The following RBM20 variants were observed in gnomAD, a reference collection of about 807,000 sequenced individuals.
The protein encoded by RBM20 is RNA binding motif protein 20.
Under a neutral mutation model 110.1 loss-of-function variants are expected in RBM20, and 51 were observed. The ratio of observed to expected loss-of-function variants is 0.46; its 90% CI spans 0.37 to 0.59. RBM20 has a LOEUF of 0.59. Ranked by LOEUF, RBM20 falls within the 20% of genes least tolerant of loss-of-function variation. The pLI, the probability that RBM20 is intolerant of heterozygous loss-of-function variation, is 0.00. For synonymous variants in RBM20, 589 were observed against 618.2 expected (o/e 0.95, Z 0.70); for missense variants, 1,512 against 1,574.9 (o/e 0.96, Z 0.68).
intron 7 of RBM20, among the ~76,000 whole-genome samples, chr10:110,809,171 T>C (rs1423638745): frequency 7.6e-6 from 1 of 131,804 alleles, no homozygotes; most frequent in Non-Finnish European, 1.5e-5. Context: ...GAGCTGTGAT[T>C]GTACCATTGC....
chr10:110,781,113 A>G lies in RBM20; in HGVS notation c.504A>G (p.Ala168=). 1 of 1,551,726 alleles carries G rather than the reference A, an allele frequency of 6.4e-7. No individual in the cohort carries two copies. Among genetic ancestry groups the G allele is most frequent in the Non-Finnish European group, 8.7e-7 (1 of 1,146,996 alleles). ...AIPSTRFPSN[A]IAFSPPSQTR... ...CCAGTACCCGGTTTCCCTCTAATGC[A>G]ATTGCCTTTTCACCCCCCAGCCAGA... is the stretch of plus-strand genomic sequence containing the variant. Residue 168 remains alanine, a synonymous_variant, in exon 2 of 14, where the codon GCA becomes GCG. Coordinates refer to ENST00000369519, the MANE Select transcript of RBM20 (RefSeq NM_001134363.3).
intron 1 of RBM20, among the ~76,000 whole-genome samples, chr10:110,744,964 G>A (rs761167789): frequency 1.3e-5 from 2 of 152,176 alleles, no homozygotes; most frequent in African/African-American, 4.8e-5. Flanking sequence ...AGCCAAGAGC[G>A]AGAGGTTACT....
rs76403155 is a variant in RBM20, at chr10:110,793,982, G to A, written c.1528-3526G>A. Among the ~76,000 whole-genome samples the A allele has an allele frequency of 1.9e-3, 287 of 152,312 alleles. 3 individuals carry two copies. The East Asian group carries it at 0.024, about 13-fold the overall frequency. ...GAGAGCCCGGGTTGGGAATTACTGC[G>A]TAGCATGGTGACGCTTGCTCAAGAG... On this transcript the variant is annotated intron_variant, in intron 5 of 13. Transcript: ENST00000369519.
intron 8 of RBM20, among the ~76,000 whole-genome samples, chr10:110,810,791 A>ATGTG (rs1188258379): frequency 2.0e-5 from 3 of 149,700 alleles, no homozygotes; most frequent in African/African-American, 7.4e-5. Flanking sequence ...CCTAAAAGTA[A>ATGTG]TGCGTGTGTG....
chr10:110,748,620 C>T (rs1450067210), intron 1 of RBM20, among the ~76,000 whole-genome samples: 2 of 152,100 alleles, frequency 1.3e-5, no homozygotes, highest in Admixed American at 6.5e-5. Flanking sequence ...ACTGGGTTCT[C>T]GTAATCACAC....
intron 1 of RBM20, among the ~76,000 whole-genome samples, chr10:110,715,029 C>T (rs556436171): frequency 5.3e-5 from 8 of 152,296 alleles, no homozygotes; most frequent in East Asian, 3.9e-4. Context: ...AGGCAGATCA[C>T]GTGAGGTCAG....
At chr10:110,783,270 T>A (rs938727928) in intron 2 of RBM20, 96 bp from the exon 3 acceptor site, 6 of 923,558 alleles carry the variant, frequency 6.5e-6, no homozygotes, top group Non-Finnish European at 1.0e-5. Context: ...CTCTGGGCGC[T>A]CTGTGCTCCC....
intron 1 of RBM20, among the ~76,000 whole-genome samples, chr10:110,664,662 G>T (rs920247986): frequency 6.6e-6 from 1 of 152,042 alleles, no homozygotes; most frequent in Non-Finnish European, 1.5e-5. Context: ...CATGAGAATC[G>T]CTTGAACCTG....
chr10:110,718,229 G>A (rs1215788610), intron 1 of RBM20, among the ~76,000 whole-genome samples: 1 of 152,168 alleles, frequency 6.6e-6, no homozygotes, highest in East Asian at 1.9e-4. Context: ...AAAAGAGTTT[G>A]AATACAAATA....
chr10:110,704,366 GT>G (rs1427058174), intron 1 of RBM20, among the ~76,000 whole-genome samples: 1 of 152,154 alleles, frequency 6.6e-6, no homozygotes, highest in Non-Finnish European at 1.5e-5. Context: ...TTGTGTACAG[GT>G]TTTTGTGTGA....
At chr10:110,791,928 C>T (rs970822536) in intron 5 of RBM20, among the ~76,000 whole-genome samples, 11 of 152,194 alleles carry the variant, frequency 7.2e-5, no homozygotes, top group African/African-American at 2.7e-4. Context: ...TGGCACTCAG[C>T]AGACAGAGCC....
chr10:110,782,525 C>G (rs1378505350), intron 2 of RBM20, among the ~76,000 whole-genome samples: 1 of 152,052 alleles, frequency 6.6e-6, no homozygotes, highest in Non-Finnish European at 1.5e-5. Flanking sequence ...TAACAAATAC[C>G]ATATATTAAA....
intron 1 of RBM20, among the ~76,000 whole-genome samples, chr10:110,694,529 C>T (rs965423404): frequency 6.6e-6 from 1 of 152,106 alleles, no homozygotes; most frequent in African/African-American, 2.4e-5. Flanking sequence ...ATTCTCTCCA[C>T]AGAAGAAAAT....
At chr10:110,830,977 T>C in intron 12 of RBM20, 84 bp from the exon 13 acceptor site, 1 of 1,403,094 alleles carries the variant, frequency 7.1e-7, no homozygotes, top group South Asian at 1.4e-5. Flanking sequence ...GTGGCTCCCA[T>C]TTCTACCTGA....
intron 9 of RBM20, among the ~76,000 whole-genome samples, chr10:110,815,385 CAGG>C (rs1421577749): frequency 6.6e-6 from 1 of 152,184 alleles, no homozygotes. Flanking sequence ...GGAGGAAGAA[CAGG>C]AGATGAGATT....
chr10:110,692,088 T>A (rs1862593821), intron 1 of RBM20, among the ~76,000 whole-genome samples: 1 of 152,076 alleles, frequency 6.6e-6, no homozygotes, highest in South Asian at 2.1e-4. Flanking sequence ...ATGTAAAGAT[T>A]TTTTTTTCTG....
chr10:110,745,466 G>T (rs1843768758), intron 1 of RBM20, among the ~76,000 whole-genome samples: 1 of 152,152 alleles, frequency 6.6e-6, no homozygotes, highest in Non-Finnish European at 1.5e-5. Flanking sequence ...TGCTACTCCT[G>T]TCCCCACTAG....
intron 1 of RBM20, among the ~76,000 whole-genome samples, chr10:110,666,653 A>G (rs1258598025): frequency 6.6e-6 from 1 of 152,096 alleles, no homozygotes; most frequent in Non-Finnish European, 1.5e-5. Flanking sequence ...CTCAGAAAAA[A>G]ATAAAAAACA....
chr10:110,727,176 A>G (rs879713958), intron 1 of RBM20, among the ~76,000 whole-genome samples: 1 of 85,236 alleles, frequency 1.2e-5, no homozygotes, highest in Non-Finnish European at 2.3e-5. Context: ...TTTTTTTACT[A>G]TTAAGAAATT....
Sources: allele counts gnomAD v4.1 joint callset (sites outside exome capture counted in the v4.1 genomes callset), GRCh38; gene constraint gnomAD v4.1.1; transcripts MANE v1.5; gene names NCBI Gene and HGNC (gene_info 2026-07-23, HGNC 2026-07-21).